PRR16: variants seen among roughly 807,000 people sequenced by gnomAD.
The protein encoded by PRR16 is protein Largen.
Under a neutral mutation model 18.2 loss-of-function variants are expected in PRR16, and 6 were observed. The ratio of observed to expected loss-of-function variants is 0.33; its 90% confidence interval spans 0.18 to 0.65. The LOEUF (loss-of-function observed/expected upper bound fraction) is 0.65. Among genes scored for constraint, PRR16 ranks in the 30% least tolerant of loss-of-function variants. The pLI, the probability that PRR16 is intolerant of heterozygous loss-of-function variation, is 0.74. For synonymous variants in PRR16, 151 were observed against 147.8 expected (o/e 1.02, Z -0.16); for missense variants, 412 against 376.6 (o/e 1.09, Z -0.78).
chr5:120,694,327 C>T, the PRR16 span, among the ~76,000 whole-genome samples: 1 of 152,130 alleles, frequency 6.6e-6, no homozygotes, highest in African/African-American at 2.4e-5. Flanking sequence ...CTTACCAATT[C>T]ATCTGTAGAA....
chr5:120,680,735 C>A (rs1483688464), intron 1 of PRR16, among the ~76,000 whole-genome samples: 1 of 152,150 alleles, frequency 6.6e-6, no homozygotes, highest in African/African-American at 2.4e-5. Flanking sequence ...TTTACCAAAT[C>A]ATTGAGTTTG....
the PRR16 span, among the ~76,000 whole-genome samples, chr5:120,720,101 A>C: frequency 6.6e-6 from 1 of 151,978 alleles, no homozygotes; most frequent in Non-Finnish European, 1.5e-5. Flanking sequence ...CATTTTGTCA[A>C]CTGGTGGCAA....
chr5:120,574,484 A>G (rs1753011329), intron 1 of PRR16, among the ~76,000 whole-genome samples: 1 of 151,998 alleles, frequency 6.6e-6, no homozygotes, highest in Admixed American at 6.6e-5. Context: ...TGCACCTGTA[A>G]TCCCAGCTAC....
chr5:120,637,317 G>GAAAAAAAAAAAAAAAAAAAAAAAA, intron 1 of PRR16, among the ~76,000 whole-genome samples: 1 of 62,636 alleles, frequency 1.6e-5, no homozygotes, highest in Non-Finnish European at 2.7e-5. Context: ...CCATTATACG[G>GAAAAAAAAAAAAAAAAAAAAAAAA]AAAAAAAAAA....
At chr5:120,484,438 T>C (rs1336054306) in intron 1 of PRR16, among the ~76,000 whole-genome samples, 2 of 145,498 alleles carry the variant, frequency 1.4e-5, no homozygotes, top group Non-Finnish European at 3.0e-5. Flanking sequence ...ATATATACCT[T>C]ATATGTTAGA....
intron 1 of PRR16, among the ~76,000 whole-genome samples, chr5:120,508,380 A>G (rs1328159520): frequency 6.6e-6 from 1 of 152,102 alleles, no homozygotes; most frequent in Non-Finnish European, 1.5e-5. Flanking sequence ...GTTTTCTTTT[A>G]TATGCAATTG....
chr5:120,514,923 T>A (rs1254865493), intron 1 of PRR16, among the ~76,000 whole-genome samples: 1 of 152,218 alleles, frequency 6.6e-6, no homozygotes, highest in Admixed American at 6.5e-5. Flanking sequence ...GTTACCCACT[T>A]CCAAATCTGC....
At chr5:120,668,130 G>A (rs573610021) in intron 1 of PRR16, among the ~76,000 whole-genome samples, 2 of 152,014 alleles carry the variant, frequency 1.3e-5, no homozygotes, top group African/African-American at 2.4e-5. Flanking sequence ...TTATGAATCT[G>A]GGTGCTCCTG....
rs190729304 is a variant in PRR16 at position 120,538,414 on chromosome 5, G to A, written c.159+73769G>A. Among the ~76,000 whole-genome samples the A allele has an allele frequency of 2.1e-3, 321 of 152,222 alleles. 4 individuals carry two copies. The highest frequency in any genetic ancestry group is 6.7e-3 in the Admixed American group (103 of 15,284). On this transcript the variant is annotated intron_variant, in intron 1 of 1. Transcript: ENST00000407149. ...GAATCCACACGTAATTTGTCTGTAG[G>A]AACAACAGTCATCTATAAACCTCAA... is the stretch of plus-strand genomic sequence containing the variant.
At chr5:120,604,609 T>G (rs1050982969) in intron 1 of PRR16, among the ~76,000 whole-genome samples, 1 of 152,196 alleles carries the variant, frequency 6.6e-6, no homozygotes, top group Admixed American at 6.5e-5. Context: ...TTGGTTATTA[T>G]GTAGCCTTGA....
the PRR16 span, among the ~76,000 whole-genome samples, chr5:120,752,734 TTCG>T: frequency 6.6e-6 from 1 of 151,986 alleles, no homozygotes; most frequent in Non-Finnish European, 1.5e-5. Flanking sequence ...TTTCTATTTC[TTCG>T]TAGGTTTATA....
chr5:120,535,946 A>T (rs1374587235), intron 1 of PRR16, among the ~76,000 whole-genome samples: 2 of 152,202 alleles, frequency 1.3e-5, no homozygotes, highest in African/African-American at 4.8e-5. Flanking sequence ...CTATTTTAAT[A>T]AAAGAAATAA....
chr5:120,725,767 T>C, the PRR16 span, among the ~76,000 whole-genome samples: 27 of 152,084 alleles, frequency 1.8e-4, no homozygotes, highest in Non-Finnish European at 2.6e-4. Flanking sequence ...TATCTTACTC[T>C]TCTGAGAGCT....
intron 1 of PRR16, among the ~76,000 whole-genome samples, chr5:120,502,737 A>G (rs1444048891): frequency 6.6e-6 from 1 of 152,196 alleles, no homozygotes; most frequent in African/African-American, 2.4e-5. Context: ...GTCGGTCAAA[A>G]TGGTTTCATA....
intron 1 of PRR16, among the ~76,000 whole-genome samples, chr5:120,540,959 A>T (rs575778403): frequency 6.6e-6 from 1 of 152,176 alleles, no homozygotes; most frequent in South Asian, 2.1e-4. Flanking sequence ...AGGCACCTGG[A>T]ACAGTGCCAT....
At chr5:120,568,060 G>GTA (rs1752790578) in intron 1 of PRR16, among the ~76,000 whole-genome samples, 1 of 152,156 alleles carries the variant, frequency 6.6e-6, no homozygotes, top group South Asian at 2.1e-4. Context: ...TAACACATTA[G>GTA]TAGTACCTTC....
intron 1 of PRR16, among the ~76,000 whole-genome samples, chr5:120,499,333 C>G (rs1019819860): frequency 1.3e-5 from 2 of 151,832 alleles, no homozygotes; most frequent in Non-Finnish European, 2.9e-5. Flanking sequence ...CTGGTAATCA[C>G]TTTTTAAGCC....
At chr5:120,752,345 C>A in the PRR16 span, among the ~76,000 whole-genome samples, 2 of 151,872 alleles carry the variant, frequency 1.3e-5, no homozygotes, top group African/African-American at 4.8e-5. Flanking sequence ...GGAGATAATG[C>A]GGGCCTGAGG....
intron 1 of PRR16, among the ~76,000 whole-genome samples, chr5:120,493,729 T>C (rs1750146249): frequency 1.3e-5 from 2 of 152,230 alleles, no homozygotes; most frequent in Admixed American, 1.3e-4. Context: ...CACTAATCTG[T>C]TTTCCATTTC....
Sources: allele counts gnomAD v4.1 joint callset (sites outside exome capture counted in the v4.1 genomes callset), GRCh38; gene constraint gnomAD v4.1.1; transcripts MANE v1.5; gene names NCBI Gene and HGNC (gene_info 2026-07-23, HGNC 2026-07-21).